MECOM: variants seen among roughly 807,000 people sequenced by gnomAD.
MECOM encodes histone-lysine N-methyltransferase MECOM.
In MECOM, 13 loss-of-function variants were observed where a neutral mutation model predicts 116.3. That is an observed-to-expected ratio of 0.11 (90% CI 0.07 to 0.18). MECOM has a LOEUF of 0.18. Among genes scored for constraint, MECOM ranks in the 10% least tolerant of loss-of-function variants. MECOM has a pLI of 1.00. For missense variants in MECOM, 1,299 were observed against 1,509.0 expected, an observed-to-expected ratio of 0.86 and a Z score of 2.31; for synonymous variants, 528 against 535.2, an observed-to-expected ratio of 0.99 and a Z score of 0.19.
chr3:169,479,625 C>A (rs938656213), intron 1 of MECOM, among the ~76,000 whole-genome samples: 1 of 129,468 alleles, frequency 7.7e-6, no homozygotes. Context: ...GTGAATGAAA[C>A]GTCTCATTTT....
intron 1 of MECOM, among the ~76,000 whole-genome samples, chr3:169,634,024 G>A (rs1475325818): frequency 6.6e-6 from 1 of 151,984 alleles, no homozygotes; most frequent in African/African-American, 2.4e-5. Context: ...CCACAGAATG[G>A]GGCCATTCAG....
intron 1 of MECOM, among the ~76,000 whole-genome samples, chr3:169,536,201 A>G (rs1411946028): frequency 1.3e-5 from 2 of 152,136 alleles, no homozygotes; most frequent in Non-Finnish European, 2.9e-5. Flanking sequence ...GACAAACCCC[A>G]ACCTTCTTTA....
At chr3:169,185,735 T>A (rs1233923447) in intron 2 of MECOM, among the ~76,000 whole-genome samples, 2 of 152,206 alleles carry the variant, frequency 1.3e-5, no homozygotes, top group Non-Finnish European at 2.9e-5. Flanking sequence ...GATCATTCTA[T>A]CATAATTTAA....
At chr3:169,435,140 A>G (rs181528875) in intron 1 of MECOM, among the ~76,000 whole-genome samples, 2 of 152,358 alleles carry the variant, frequency 1.3e-5, no homozygotes, top group East Asian at 3.9e-4. Context: ...AATATGCAGC[A>G]ATGATGGTCT....
chr3:169,392,885 G>A (rs1344291612), intron 1 of MECOM, among the ~76,000 whole-genome samples: 1 of 152,132 alleles, frequency 6.6e-6, no homozygotes, highest in East Asian at 1.9e-4. Context: ...GTGAGCATCA[G>A]AATATTTTGG....
At chr3:169,327,044 A>G (rs2149764589) in intron 2 of MECOM, among the ~76,000 whole-genome samples, 1 of 152,328 alleles carries the variant, frequency 6.6e-6, no homozygotes, top group East Asian at 1.9e-4. Flanking sequence ...ACAAAAATAA[A>G]TCTTTTGGTA....
intron 2 of MECOM, among the ~76,000 whole-genome samples, chr3:169,161,781 G>C (rs1405987790): frequency 6.7e-6 from 1 of 150,262 alleles, no homozygotes; most frequent in Non-Finnish European, 1.5e-5. Flanking sequence ...AAAAAGAAGA[G>C]TCTCTCTCTC....
At chr3:169,276,123 T>C (rs1051833357) in intron 2 of MECOM, among the ~76,000 whole-genome samples, 1 of 152,214 alleles carries the variant, frequency 6.6e-6, no homozygotes, top group African/African-American at 2.4e-5. Flanking sequence ...CAAGTATTTA[T>C]GGTAGGTGGT....
At chr3:169,147,475 C>G in intron 2 of MECOM, 1 of 985,478 alleles carries the variant, frequency 1.0e-6, no homozygotes, top group Non-Finnish European at 1.2e-6. Context: ...GTGATCTGAT[C>G]GGAAGCCAGA....
At position 169,123,885 on chromosome 3, in the gene MECOM, A is replaced by G. The variant is rs560875291; in HGVS notation, c.831-1158T>C. Among the ~76,000 whole-genome samples, 7 of 152,200 alleles carry G rather than the reference A, an allele frequency of 4.6e-5. No homozygotes were observed. The South Asian group carries it at 1.2e-3, about 27-fold the overall frequency. Reference sequence around the variant, plus strand: ...TATTCAAAACACAAACAGAACCCCAATGGTCTCCCAAGGAAGATGCAGGAA... The same window carrying G: ...TATTCAAAACACAAACAGAACCCCAGTGGTCTCCCAAGGAAGATGCAGGAA... On this transcript the variant is annotated intron_variant, in intron 5 of 16. Transcript: ENST00000651503.
chr3:169,430,935 C>T (rs758843048), intron 1 of MECOM, among the ~76,000 whole-genome samples: 2 of 152,160 alleles, frequency 1.3e-5, no homozygotes, highest in Non-Finnish European at 2.9e-5. Flanking sequence ...AATGCCAAGT[C>T]ATTCTAAATA....
intron 1 of MECOM, among the ~76,000 whole-genome samples, chr3:169,390,275 T>C (rs1028154539): frequency 4.6e-5 from 7 of 152,174 alleles, no homozygotes; most frequent in Non-Finnish European, 1.0e-4. Flanking sequence ...ATGTATTTCC[T>C]GGAAAGACAC....
At chr3:169,224,172 T>C (rs529924982) in intron 2 of MECOM, among the ~76,000 whole-genome samples, 1 of 152,030 alleles carries the variant, frequency 6.6e-6, no homozygotes, top group Non-Finnish European at 1.5e-5. Flanking sequence ...TGAGAGGAGA[T>C]AGAGAACGTC....
chr3:169,467,540 TAA>T (rs57143657), intron 1 of MECOM, among the ~76,000 whole-genome samples: 56,049 of 151,864 alleles, frequency 0.37, 10,898 homozygotes, highest in Middle Eastern at 0.46. Context: ...ATTTCTACTT[TAA>T]GTGTGTTTTT....
intron 2 of MECOM, among the ~76,000 whole-genome samples, chr3:169,355,554 T>C (rs1314022282): frequency 6.6e-6 from 1 of 151,962 alleles, no homozygotes; most frequent in Non-Finnish European, 1.5e-5. Context: ...AGGCTAAAAA[T>C]AAACTGCCAT....
intron 1 of MECOM, among the ~76,000 whole-genome samples, chr3:169,504,150 A>AGTGTGTGTGTGTGT (rs3044764): frequency 0.017 from 2,298 of 132,626 alleles, 63 homozygotes; most frequent in Middle Eastern, 0.028. Flanking sequence ...GAAAAAGAGA[A>AGTGTGTGTGTGTGT]GTGTGTGTGT....
intron 2 of MECOM, among the ~76,000 whole-genome samples, chr3:169,246,830 T>C (rs7635320): frequency 0.22 from 33,319 of 152,038 alleles, 3,762 homozygotes; most frequent in African/African-American, 0.27. Context: ...ACATACAGTT[T>C]TTATGTATTT....
At chr3:169,366,989 T>TAATCATTA (rs1461525212) in intron 2 of MECOM, among the ~76,000 whole-genome samples, 1 of 152,136 alleles carries the variant, frequency 6.6e-6, no homozygotes, top group African/African-American at 2.4e-5. Flanking sequence ...AGGCTAACTG[T>TAATCATTA]AATCATTATC....
At chr3:169,595,073 C>G (rs986977178) in intron 1 of MECOM, among the ~76,000 whole-genome samples, 4 of 151,970 alleles carry the variant, frequency 2.6e-5, no homozygotes, top group Non-Finnish European at 5.9e-5. Flanking sequence ...TCTTTATTTT[C>G]TTCAAGACAG....
Sources: gnomAD v4.1 joint callset for allele counts (sites outside exome capture counted in the v4.1 genomes callset) on GRCh38, gnomAD v4.1.1 for gene constraint, MANE v1.5 for transcripts, NCBI Gene and HGNC (gene_info 2026-07-23, HGNC 2026-07-21) for gene names.